The following KIAA1549L variants were observed in gnomAD, a reference collection of about 807,000 sequenced individuals.
The protein encoded by KIAA1549L is UPF0606 protein KIAA1549L.
In KIAA1549L, 88 loss-of-function variants were observed where a neutral mutation model predicts 160.7. That is an observed-to-expected ratio of 0.55 (90% CI 0.46 to 0.65). The LOEUF (loss-of-function observed/expected upper bound fraction) is 0.65, where lower values mean the gene tolerates loss of function less well. KIAA1549L is among the 30% of genes least tolerant of loss of function. The pLI, the probability that KIAA1549L is intolerant of heterozygous loss-of-function variation, is 0.00. For missense variants in KIAA1549L, 2,258 were observed against 2,437.5 expected, an observed-to-expected ratio of 0.93 and a Z score of 1.55; for synonymous variants, 950 against 976.7, an observed-to-expected ratio of 0.97 and a Z score of 0.51.
At position 33,530,434 on chromosome 11, in the gene KIAA1549L, AAAATATATATATATATATAT is replaced by A. The variant is rs1217288393; in HGVS notation, c.239-11366_239-11347del. Among the ~76,000 whole-genome samples the A allele has an allele frequency of 1.0e-3, 7 of 6,850 alleles. 2 individuals carry two copies. Among genetic ancestry groups the A allele is most frequent in the African/African-American group, 3.8e-3 (6 of 1,588 alleles). The allele number at this position is 6,850 out of a possible 152,430, so 4.5% of individuals were successfully genotyped here. A position where few individuals can be genotyped will look rare whatever the true frequency, so the allele number is the denominator to read the frequency against. ...AGAAGGAAAAAAAAAAAAAAAAAAA[AAAATATATATATATATATAT>A]ATATATATATATATATATATATATA... On this transcript the variant is annotated intron_variant, in intron 1 of 20. Transcript: ENST00000658780.
At chr11:33,534,818 T>G (rs1853856867) in intron 1 of KIAA1549L, among the ~76,000 whole-genome samples, 1 of 152,210 alleles carries the variant, frequency 6.6e-6, no homozygotes, top group South Asian at 2.1e-4. Flanking sequence ...CTCTCACCAT[T>G]CTTTAGTCAT....
At chr11:33,405,597 A>G (rs926499234) in intron 1 of KIAA1549L, among the ~76,000 whole-genome samples, 1 of 150,580 alleles carries the variant, frequency 6.6e-6, no homozygotes, top group African/African-American at 2.4e-5. Flanking sequence ...TAATCCCAGC[A>G]CTTTGGGAGG....
intron 1 of KIAA1549L, among the ~76,000 whole-genome samples, chr11:33,432,949 A>T (rs886346389): frequency 6.6e-6 from 1 of 152,206 alleles, no homozygotes; most frequent in Non-Finnish European, 1.5e-5. Context: ...TGGATTAAAC[A>T]CTTACATGTA....
At chr11:33,660,474 A>G (rs770819277) in intron 19 of KIAA1549L, among the ~76,000 whole-genome samples, 1 of 152,170 alleles carries the variant, frequency 6.6e-6, no homozygotes, top group Non-Finnish European at 1.5e-5. Flanking sequence ...CTGACGCAGG[A>G]GAGTGGCGTG....
intron 1 of KIAA1549L, among the ~76,000 whole-genome samples, chr11:33,515,846 T>C (rs889459331): frequency 6.6e-6 from 1 of 152,194 alleles, no homozygotes; most frequent in Non-Finnish European, 1.5e-5. Flanking sequence ...AGAACACTAT[T>C]AGAGGGAATC....
At chr11:33,577,733 G>T (rs569483069) in intron 10 of KIAA1549L, among the ~76,000 whole-genome samples, 1 of 152,108 alleles carries the variant, frequency 6.6e-6, no homozygotes, top group Admixed American at 6.5e-5. Context: ...AAAAAGTGCC[G>T]GAAGATTGAC....
At chr11:33,451,655 T>G (rs1474034572) in intron 1 of KIAA1549L, among the ~76,000 whole-genome samples, 1 of 152,254 alleles carries the variant, frequency 6.6e-6, no homozygotes, top group Non-Finnish European at 1.5e-5. Flanking sequence ...GTCTCACTTG[T>G]GACAACTCCC....
chr11:33,495,192 T>G (rs922532542), intron 1 of KIAA1549L, among the ~76,000 whole-genome samples: 1 of 152,094 alleles, frequency 6.6e-6, no homozygotes, highest in African/African-American at 2.4e-5. Context: ...TAGTTACATA[T>G]GTATACATGT....
At chr11:33,650,405 A>G (rs996724525) in intron 17 of KIAA1549L, among the ~76,000 whole-genome samples, 2 of 152,178 alleles carry the variant, frequency 1.3e-5, no homozygotes, top group Non-Finnish European at 2.9e-5. Flanking sequence ...AAGAAAAGTA[A>G]CTTTATTTTT....
chr11:33,472,275 C>CT (rs76771436), intron 1 of KIAA1549L, among the ~76,000 whole-genome samples: 7,609 of 102,632 alleles, frequency 0.074, 360 homozygotes, highest in Non-Finnish European at 0.088. Flanking sequence ...TCATGCCTGG[C>CT]TTTTTTTTTT....
chr11:33,552,730 A>T (rs868580333), intron 6 of KIAA1549L, among the ~76,000 whole-genome samples: 127 of 150,898 alleles, frequency 8.4e-4, no homozygotes, highest in African/African-American at 2.8e-3. Context: ...AGTCTTTACT[A>T]TGTGCCAGGA....
chr11:33,490,348 G>A (rs1852629069), intron 1 of KIAA1549L, among the ~76,000 whole-genome samples: 1 of 143,240 alleles, frequency 7.0e-6, no homozygotes, highest in Admixed American at 7.0e-5. Context: ...TTTTGAGACA[G>A]TATCTTGCTC....
intron 17 of KIAA1549L, among the ~76,000 whole-genome samples, chr11:33,647,668 T>C (rs894075477): frequency 6.6e-6 from 1 of 152,158 alleles, no homozygotes; most frequent in African/African-American, 2.4e-5. Flanking sequence ...TGCCAGATTC[T>C]AGGAATCTGG....
intron 1 of KIAA1549L, among the ~76,000 whole-genome samples, chr11:33,492,921 G>A (rs1852721178): frequency 6.6e-6 from 1 of 151,946 alleles, no homozygotes; most frequent in South Asian, 2.1e-4. Context: ...GGGAGGAGGG[G>A]GAGTGATACA....
At chr11:33,648,276 G>A (rs542781484) in intron 17 of KIAA1549L, among the ~76,000 whole-genome samples, 14 of 152,190 alleles carry the variant, frequency 9.2e-5, no homozygotes, top group South Asian at 8.3e-4. Flanking sequence ...GATTACAGGC[G>A]TGAGCCATCA....
intron 1 of KIAA1549L, among the ~76,000 whole-genome samples, chr11:33,469,455 G>A (rs945370891): frequency 6.6e-6 from 1 of 151,830 alleles, no homozygotes; most frequent in South Asian, 2.1e-4. Flanking sequence ...CCACTTTTTG[G>A]CTTTTGTGAA....
chr11:33,538,464 C>T (rs1463591530), intron 1 of KIAA1549L, among the ~76,000 whole-genome samples: 2 of 152,132 alleles, frequency 1.3e-5, no homozygotes, highest in Non-Finnish European at 2.9e-5. Flanking sequence ...TGTACTAGCA[C>T]GTATCAGTTT....
At chr11:33,411,461 G>A (rs893481984) in intron 1 of KIAA1549L, among the ~76,000 whole-genome samples, 1 of 152,108 alleles carries the variant, frequency 6.6e-6, no homozygotes, top group African/African-American at 2.4e-5. Context: ...CATACCTCTC[G>A]GCTAGTGGAT....
intron 6 of KIAA1549L, among the ~76,000 whole-genome samples, chr11:33,554,734 G>A (rs1854588979): frequency 6.6e-6 from 1 of 152,204 alleles, no homozygotes; most frequent in South Asian, 2.1e-4. Flanking sequence ...GACTACTCCT[G>A]AAACTTGGGT....
Sources: allele counts gnomAD v4.1 joint callset (sites outside exome capture counted in the v4.1 genomes callset), GRCh38; gene constraint gnomAD v4.1.1; transcripts MANE v1.5; gene names NCBI Gene and HGNC (gene_info 2026-07-23, HGNC 2026-07-21).